The following GARNL3 variants were observed in gnomAD, a reference collection of about 807,000 sequenced individuals.
GARNL3 encodes the protein GTPase activating Rap/RanGAP domain like 3.
Under a neutral mutation model 125.0 loss-of-function variants are expected in GARNL3, and 63 were observed. The observed-to-expected ratio is 0.50, with a 90% confidence interval of 0.41 to 0.62. The LOEUF (loss-of-function observed/expected upper bound fraction) is 0.62, where lower values mean the gene tolerates loss of function less well. GARNL3 is among the 20% of genes least tolerant of loss of function. GARNL3 has a pLI of 0.00. For missense variants in GARNL3, 994 were observed against 1,244.0 expected, an observed-to-expected ratio of 0.80 and a Z score of 3.02; for synonymous variants, 439 against 457.5, an observed-to-expected ratio of 0.96 and a Z score of 0.52.
chr9:127,252,523 A>T (rs1588690122), intron 2 of GARNL3, among the ~76,000 whole-genome samples: 2 of 152,332 alleles, frequency 1.3e-5, no homozygotes, highest in Admixed American at 1.3e-4. Flanking sequence ...TATTAATCAA[A>T]CCATCAAACC....
intron 21 of GARNL3, 29 bp from the exon 22 acceptor site, chr9:127,365,271 C>T (rs747895142): frequency 5.0e-6 from 8 of 1,588,132 alleles, no homozygotes; most frequent in Non-Finnish European, 6.9e-6. Context: ...ATCCAGCCTG[C>T]CCACTACCGT....
At chr9:127,334,724 C>G (rs1353654012) in intron 9 of GARNL3, among the ~76,000 whole-genome samples, 1 of 152,160 alleles carries the variant, frequency 6.6e-6, no homozygotes, top group African/African-American at 2.4e-5. Context: ...GACTTTTATC[C>G]TCATTTTCAA....
intron 19 of GARNL3, among the ~76,000 whole-genome samples, chr9:127,354,655 C>G (rs1830592239): frequency 6.6e-6 from 1 of 152,128 alleles, no homozygotes; most frequent in Admixed American, 6.5e-5. Flanking sequence ...ACTCTATTAG[C>G]AAATCTATTA....
intron 22 of GARNL3, among the ~76,000 whole-genome samples, chr9:127,374,930 A>AC (rs1831814873): frequency 6.6e-6 from 1 of 151,524 alleles, no homozygotes; most frequent in African/African-American, 2.4e-5. Flanking sequence ...AAAAAACAAC[A>AC]AAGAAAAACT....
At chr9:127,254,280 C>T (rs1230073297) in intron 2 of GARNL3, among the ~76,000 whole-genome samples, 1 of 152,016 alleles carries the variant, frequency 6.6e-6, no homozygotes, top group East Asian at 1.9e-4. Context: ...AATAGAGACT[C>T]TTTAGGAAAT....
chr9:127,359,045 GTGGGTCC>G (rs1255595768), intron 21 of GARNL3, among the ~76,000 whole-genome samples: 4 of 152,116 alleles, frequency 2.6e-5, no homozygotes, highest in African/African-American at 4.8e-5. Flanking sequence ...AGGAGAAGGA[GTGGGTCC>G]TGAAACTTCC....
intron 22 of GARNL3, among the ~76,000 whole-genome samples, chr9:127,370,431 C>T (rs1831545790): frequency 6.6e-6 from 1 of 151,010 alleles, no homozygotes; most frequent in Non-Finnish European, 1.5e-5. Context: ...AAGCAGATGG[C>T]ATGAAAAGAA....
chr9:127,308,998 C>A (rs1442557183), intron 2 of GARNL3, among the ~76,000 whole-genome samples: 1 of 152,134 alleles, frequency 6.6e-6, no homozygotes, highest in African/African-American at 2.4e-5. Flanking sequence ...CTTATTCTTG[C>A]AGCTTTTATA....
rs181848929 is a variant in GARNL3 at position 127,365,770 on chromosome 9, G to A, written c.2161+404G>A. 4.9e-4 allele frequency among the ~76,000 whole-genome samples: 75 copies of A among 152,288 alleles called. 1 individual carries two copies. In the East Asian group the frequency reaches 0.011, roughly 23 times the overall value. On this transcript the variant is annotated intron_variant, in intron 22 of 27. Transcript: ENST00000373387. ...AACTGAGGCCTAGAGAGGTGAACTC[G>A]TCAAGGTCTTGTGGCTACTAAGCAG...
rs1341305566 is a variant in GARNL3 at position 127,266,994 on chromosome 9, C to G, written c.144+1973C>G. 1.3e-5 allele frequency among the ~76,000 whole-genome samples: 2 copies of G among 152,108 alleles called. No individual in the cohort carries two copies. Among genetic ancestry groups the G allele is most frequent in the Non-Finnish European group, 2.9e-5 (2 of 68,032 alleles). Reference sequence around the variant, plus strand: ...CTGATTAAAACATAGATTGCTGGGCCCTAGTCCCAGAGTTTCAAATTCAGT... The same window carrying G: ...CTGATTAAAACATAGATTGCTGGGCGCTAGTCCCAGAGTTTCAAATTCAGT... On this transcript the variant is annotated intron_variant, in intron 1 of 27. Coordinates refer to ENST00000373387, the MANE Select transcript of GARNL3 (RefSeq NM_032293.5). This position sits in a 1 kb window ranked among gnomAD's most constrained non-coding sequence, Gnocchi z 4.0.
intron 2 of GARNL3, among the ~76,000 whole-genome samples, chr9:127,250,136 G>T (rs907236505): frequency 1.3e-5 from 2 of 152,172 alleles, no homozygotes; most frequent in African/African-American, 4.8e-5. Context: ...AGGGGAAAGG[G>T]GAAGATGTAT....
intron 5 of GARNL3, among the ~76,000 whole-genome samples, chr9:127,319,790 C>T (rs2065345974): frequency 6.6e-6 from 1 of 152,156 alleles, no homozygotes; most frequent in African/African-American, 2.4e-5. Context: ...TTTACTCTAG[C>T]TCCTTTCTTC....
At chr9:127,254,877 G>A (rs1373757890) in intron 2 of GARNL3, among the ~76,000 whole-genome samples, 2 of 152,048 alleles carry the variant, frequency 1.3e-5, no homozygotes, top group East Asian at 3.8e-4. Context: ...TAGCCCAAAA[G>A]GCCAATAAGG....
chr9:127,326,685 A>G (rs1270612642), intron 7 of GARNL3, among the ~76,000 whole-genome samples: 1 of 152,124 alleles, frequency 6.6e-6, no homozygotes, highest in South Asian at 2.1e-4. Context: ...TGTCCCCCCA[A>G]AATTCATATG....
chr9:127,355,283 C>A lies in GARNL3; in HGVS notation c.1760-14C>A, dbSNP rs1478540324. The stretch of plus-strand genomic sequence containing the variant: ...GCATGTCATGTGTAAGGCATCATTT[C>A]TTTCTCCTCCCAGGCTGCCACCTGT... On this transcript the variant is annotated splice_polypyrimidine_tract_variant and intron_variant, in intron 19 of 27. Coordinates refer to ENST00000373387, the MANE Select transcript of GARNL3 (RefSeq NM_032293.5). The A allele has an allele frequency of 6.2e-7, 1 of 1,612,264 alleles. No individual in the cohort carries two copies. Among genetic ancestry groups the A allele is most frequent in the Non-Finnish European group, 8.5e-7 (1 of 1,178,432 alleles).
At chr9:127,230,797 T>C (rs1051216513) in intron 1 of GARNL3, among the ~76,000 whole-genome samples, 1 of 151,788 alleles carries the variant, frequency 6.6e-6, no homozygotes, top group African/African-American at 2.4e-5. Context: ...CTTTGTTGCA[T>C]TTTTGAGCTG....
intron 16 of GARNL3, among the ~76,000 whole-genome samples, chr9:127,348,666 A>G (rs1267239372): frequency 1.3e-5 from 2 of 152,236 alleles, no homozygotes; most frequent in East Asian, 1.9e-4. Context: ...TTGCCTCTGA[A>G]AAACATTATA....
rs918454497 is a variant in GARNL3, at chr9:127,300,735, G to A, written c.219+9493G>A. On this transcript the variant is annotated intron_variant, in intron 2 of 27. Coordinates refer to ENST00000373387, the MANE Select transcript of GARNL3 (RefSeq NM_032293.5). ...CTCCCAAAGTGCTGGGATTACAGGC[G>A]CGAGCCACCGCGCCTGGCCCTATTT... 7.6e-5 allele frequency: 26 copies of A among 340,104 alleles called. No individual in the cohort carries two copies. In the Admixed American group the frequency reaches 1.0e-3, roughly 14 times the overall value. The allele number at this position is 340,104 out of a possible 1,614,324, so 21.1% of individuals were successfully genotyped here.
intron 1 of GARNL3, among the ~76,000 whole-genome samples, chr9:127,235,390 A>G (rs938529086): frequency 1.3e-5 from 2 of 152,050 alleles, no homozygotes; most frequent in Non-Finnish European, 2.9e-5. Flanking sequence ...GTAACTGTGA[A>G]TCACAGTGAA....
Sources: allele counts gnomAD v4.1 joint callset (sites outside exome capture counted in the v4.1 genomes callset), GRCh38; gene constraint gnomAD v4.1.1; non-coding constraint Gnocchi (gnomAD v3.1); transcripts MANE v1.5; gene names NCBI Gene and HGNC (gene_info 2026-07-23, HGNC 2026-07-21).